The following TCF20 variants were observed in gnomAD, a reference collection of about 807,000 sequenced individuals.
TCF20 encodes SPRE-binding protein.
In TCF20, 3 loss-of-function variants were observed where a neutral mutation model predicts 148.6. That is an observed-to-expected ratio of 0.02 (90% CI 0.01 to 0.05). The LOEUF is 0.05. TCF20 is among the 10% of genes least tolerant of loss of function. TCF20 has a pLI of 1.00. For synonymous variants in TCF20, 1,049 were observed against 909.5 expected, an observed-to-expected ratio of 1.15 and a Z score of -2.76; for missense variants, 2,350 against 2,429.3, an observed-to-expected ratio of 0.97 and a Z score of 0.69.
At position 42,211,306 on chromosome 22, in the gene TCF20, T is replaced by C. The variant is rs375244717; in HGVS notation, c.4000A>G (p.Thr1334Ala). 4.3e-6 allele frequency: 7 copies of C among 1,614,068 alleles called. No individual in the cohort carries two copies. Among genetic ancestry groups the C allele is most frequent in the Non-Finnish European group, 5.9e-6 (7 of 1,180,044 alleles). The change falls in exon 2 of 6, where the codon ACA (threonine) becomes GCA (alanine). Residue 1334 changes from threonine to alanine, a missense_variant. Around this residue, in one of 7 missense-constraint regions of TCF20, gnomAD observed 1,641 missense variants for 1,662.6 expected, o/e 0.99. Transcript: ENST00000677622. The stretch of plus-strand genomic sequence containing the variant: ...AGTATTTTGGTCTTAGCAGGGCTTG[T>C]GAGGGTAACAGCAGGGCAGTTTCTA... Reference protein sequence around the residue: ...DSRNCPAVTLTSPAKTKILPP... With the variant: ...DSRNCPAVTLASPAKTKILPP...
At chr22:42,319,583 GAAGC>G (rs1271043297) in intron 1 of TCF20, among the ~76,000 whole-genome samples, 1 of 152,226 alleles carries the variant, frequency 6.6e-6, no homozygotes, top group Non-Finnish European at 1.5e-5. Context: ...ATCAAATGAG[GAAGC>G]AAGTAGTCAA....
chr22:42,232,054 C>T (rs930065822), intron 1 of TCF20, among the ~76,000 whole-genome samples: 9 of 151,974 alleles, frequency 5.9e-5, no homozygotes, highest in African/African-American at 1.5e-4. Flanking sequence ...TGTGCAGTAA[C>T]GTCCTGGGCC....
intron 1 of TCF20, among the ~76,000 whole-genome samples, chr22:42,256,046 C>T (rs1208115381): frequency 1.3e-5 from 2 of 152,138 alleles, no homozygotes; most frequent in African/African-American, 4.8e-5. Context: ...TTTCTCCACT[C>T]TTCCACTTGT....
chr22:42,252,807 T>G (rs1034172745), intron 1 of TCF20, among the ~76,000 whole-genome samples: 1 of 152,142 alleles, frequency 6.6e-6, no homozygotes, highest in African/African-American at 2.4e-5. Context: ...TTTTTAAACG[T>G]ATATAATTAT....
intron 1 of TCF20, among the ~76,000 whole-genome samples, 125 bp downstream of exon 1, chr22:42,270,214 C>T (rs564827611): frequency 1.6e-4 from 24 of 152,054 alleles, no homozygotes; most frequent in South Asian, 8.3e-4. Flanking sequence ...CCAGGAGGCT[C>T]CGCACTCCCA....
chr22:42,332,020 CAGGA>C (rs2147058956), intron 1 of TCF20, among the ~76,000 whole-genome samples: 2 of 152,316 alleles, frequency 1.3e-5, no homozygotes, highest in East Asian at 3.9e-4. Context: ...GAACAGATGA[CAGGA>C]AGGAAGAGTG....
At chr22:42,286,347 G>A (rs753587709), upstream of TCF20, among the ~76,000 whole-genome samples, 4 of 152,126 alleles carry the variant, frequency 2.6e-5, no homozygotes, top group Non-Finnish European at 5.9e-5. Context: ...CTGCAATTCA[G>A]TTTGGCAGGC....
Position 42,212,135 on chromosome 22 carries a change from T to C in TCF20, c.3171A>G (p.Glu1057=), listed in dbSNP as rs770449931. ...SLHTPFSPNS[E]TLASAYHANT... ...TTGCATGATAAGCAGAGGCCAGGGT[T>C]TCTGAGTTGGGAGAAAAGGGAGTGT... is the stretch of plus-strand genomic sequence containing the variant. Residue 1057 remains glutamate, a synonymous_variant, in exon 2 of 6, where the codon GAA becomes GAG. Transcript: ENST00000677622. The C allele has an allele frequency of 5.6e-6, 9 of 1,614,140 alleles. No individual in the cohort carries two copies. Among genetic ancestry groups the C allele is most frequent in the Non-Finnish European group, 6.8e-6 (8 of 1,180,030 alleles).
intron 1 of TCF20, among the ~76,000 whole-genome samples, chr22:42,253,610 G>A (rs1925552005): frequency 6.6e-6 from 1 of 152,132 alleles, no homozygotes; most frequent in East Asian, 1.9e-4. Context: ...GATTTATGCT[G>A]GAATGTTAAA....
chr22:42,342,268 G>T (rs1229488957), intron 1 of TCF20, among the ~76,000 whole-genome samples: 2 of 152,188 alleles, frequency 1.3e-5, no homozygotes, highest in Non-Finnish European at 2.9e-5. Flanking sequence ...GTCCAGGGCA[G>T]ATGGGGAATG....
intron 1 of TCF20, among the ~76,000 whole-genome samples, chr22:42,300,304 G>A (rs1022438005): frequency 1.3e-5 from 2 of 152,050 alleles, no homozygotes; most frequent in African/African-American, 4.8e-5. Context: ...GTGAGAGCTC[G>A]TGGCTGGGCC....
chr22:42,227,814 G>A (rs1352829535), intron 1 of TCF20, among the ~76,000 whole-genome samples: 1 of 152,200 alleles, frequency 6.6e-6, no homozygotes, highest in Non-Finnish European at 1.5e-5. Context: ...ACATGGTGCT[G>A]TATTCTTCCC....
In TCF20 at chr22:42,168,726, G is replaced by T. The variant is rs139743509; in HGVS notation, c.5810C>A (p.Pro1937Gln). 5.0e-6 allele frequency: 8 copies of T among 1,609,674 alleles called. No individual in the cohort carries two copies. The highest frequency in any genetic ancestry group is 6.8e-6 in the Non-Finnish European group (8 of 1,178,426). The change falls in exon 5 of 6, where the codon CCG becomes CAG. Residue 1937 changes from proline (P) to glutamine (Q), a missense_variant. This residue lies in a region of TCF20 where 67 missense variants were observed against 60.8 expected (regional missense o/e 1.10). Coordinates refer to ENST00000677622, the MANE Select transcript of TCF20 (RefSeq NM_001378418.1). ...VRCPKHKPPL[P>Q]CPLPPLQNKT... The stretch of plus-strand genomic sequence containing the variant: ...GTTCTGCAAGGGGGGGAGAGGGCAC[G>T]GAAGGGGAGGCTGACACGGGCAAAA...
chr22:42,192,796 CCTGGAAACCTA>C (rs1334754493), intron 2 of TCF20, among the ~76,000 whole-genome samples: 1 of 152,134 alleles, frequency 6.6e-6, no homozygotes, highest in East Asian at 1.9e-4. Context: ...GCCTTTTCTT[CCTGGAAACCTA>C]CTGGAAGGAA....
intron 1 of TCF20, chr22:42,278,954 T>C (rs1233050832): frequency 3.3e-5 from 5 of 152,274 alleles, no homozygotes; most frequent in African/African-American, 1.2e-4. Flanking sequence ...GAACCACGAC[T>C]GTATCTTCCT....
chr22:42,318,950 G>C (rs1043669263), intron 1 of TCF20, among the ~76,000 whole-genome samples: 2 of 152,164 alleles, frequency 1.3e-5, no homozygotes, highest in African/African-American at 4.8e-5. Flanking sequence ...TTAGGGCCCT[G>C]GCACTGCCCT....
intron 1 of TCF20, among the ~76,000 whole-genome samples, chr22:42,330,731 G>A (rs1927959089): frequency 6.6e-6 from 1 of 152,218 alleles, no homozygotes; most frequent in African/African-American, 2.4e-5. Flanking sequence ...ACCCATCCGA[G>A]CCCCTGATCC....
intron 1 of TCF20, among the ~76,000 whole-genome samples, chr22:42,332,868 G>C (rs1173251947): frequency 6.6e-6 from 1 of 152,212 alleles, no homozygotes; most frequent in African/African-American, 2.4e-5. Context: ...AGATGGACAA[G>C]GCCAGCCTCT....
intron 1 of TCF20, among the ~76,000 whole-genome samples, chr22:42,237,261 G>A (rs1477676309): frequency 1.3e-5 from 2 of 152,180 alleles, no homozygotes; most frequent in Non-Finnish European, 2.9e-5. Context: ...AATGTTCACA[G>A]CATCTTCATC....
Sources: allele counts gnomAD v4.1 joint callset (sites outside exome capture counted in the v4.1 genomes callset), GRCh38; gene constraint gnomAD v4.1.1; regional missense constraint gnomAD v4.1.1; transcripts MANE v1.5; gene names NCBI Gene and HGNC (gene_info 2026-07-23, HGNC 2026-07-21).